Variants in SOX5 observed in about 807,000 individuals in gnomAD.
SOX5 encodes the protein transcription factor SOX-5.
A neutral mutation model predicts 92.0 loss-of-function variants in SOX5; 9 were observed. That is an observed-to-expected ratio of 0.10 (90% CI 0.06 to 0.17). The LOEUF (loss-of-function observed/expected upper bound fraction) is 0.17, where lower values mean the gene tolerates loss of function less well. Among genes scored for constraint, SOX5 ranks in the 10% least tolerant of loss-of-function variants. The pLI, the probability that SOX5 is intolerant of heterozygous loss-of-function variation, is 1.00. For synonymous variants in SOX5, 344 were observed against 336.3 expected (o/e 1.02, Z -0.25); for missense variants, 642 against 944.5 (o/e 0.68, Z 4.20).
At chr12:24,043,996 C>T (rs991885214) in intron 4 of SOX5, among the ~76,000 whole-genome samples, 1 of 152,152 alleles carries the variant, frequency 6.6e-6, no homozygotes, top group African/African-American at 2.4e-5. Context: ...ATGCTAAACA[C>T]ATACAGGAAG....
intron 3 of SOX5, among the ~76,000 whole-genome samples, chr12:23,776,910 T>A (rs1567673511): frequency 6.6e-6 from 1 of 152,224 alleles, no homozygotes; most frequent in African/African-American, 2.4e-5. Context: ...GGACCCCTGA[T>A]CTAAAGCAAT....
intron 1 of SOX5, among the ~76,000 whole-genome samples, chr12:24,395,047 G>A (rs1195110510): frequency 6.6e-6 from 1 of 152,034 alleles, no homozygotes; most frequent in Non-Finnish European, 1.5e-5. Flanking sequence ...TAGCCAGCCC[G>A]ATATTAATGA....
At chr12:23,661,795 G>A (rs572053063) in intron 7 of SOX5, among the ~76,000 whole-genome samples, 1 of 152,110 alleles carries the variant, frequency 6.6e-6, no homozygotes, top group Non-Finnish European at 1.5e-5. Context: ...CAATTCATTT[G>A]TATACCCAGT....
intron 14 of SOX5, among the ~76,000 whole-genome samples, chr12:23,534,795 C>A (rs1939924540): frequency 6.6e-6 from 1 of 151,460 alleles, no homozygotes; most frequent in Non-Finnish European, 1.5e-5. Flanking sequence ...CTGCAACCTC[C>A]CCCTCCAGGG....
intron 2 of SOX5, among the ~76,000 whole-genome samples, chr12:24,318,429 G>A (rs987712792): frequency 1.3e-4 from 20 of 152,190 alleles, no homozygotes; most frequent in East Asian, 5.8e-4. Context: ...GCTGAGAGAC[G>A]GTACATCTAT....
intron 7 of SOX5, among the ~76,000 whole-genome samples, chr12:23,657,000 T>G (rs1286935824): frequency 2.6e-5 from 4 of 152,112 alleles, no homozygotes; most frequent in Non-Finnish European, 4.4e-5. Context: ...GAGCTGACTA[T>G]AGAGACAGGT....
chr12:24,200,503 T>TTG (rs567368135), intron 4 of SOX5, among the ~76,000 whole-genome samples: 2 of 151,582 alleles, frequency 1.3e-5, no homozygotes, highest in South Asian at 2.1e-4. Flanking sequence ...TTTTTTTTTT[T>TTG]AATTTGATCT....
intron 8 of SOX5, among the ~76,000 whole-genome samples, chr12:23,632,824 T>C (rs2078722712): frequency 1.3e-5 from 2 of 152,188 alleles, no homozygotes; most frequent in Admixed American, 1.3e-4. Context: ...TCATTTTCTC[T>C]ATTCCAGAGA....
At chr12:23,901,343 T>A (rs1302525992) in intron 1 of SOX5, among the ~76,000 whole-genome samples, 3 of 152,182 alleles carry the variant, frequency 2.0e-5, no homozygotes, top group African/African-American at 7.2e-5. Context: ...TTTTAGGACT[T>A]CTGACCTCCA....
intron 1 of SOX5, among the ~76,000 whole-genome samples, chr12:24,461,023 T>C (rs55799788): frequency 9.8e-5 from 15 of 152,330 alleles, no homozygotes; most frequent in African/African-American, 3.6e-4. Context: ...GAATAACCAA[T>C]AGATTCTTGC....
chr12:24,304,088 A>C (rs1363594101), intron 2 of SOX5, among the ~76,000 whole-genome samples: 1 of 152,200 alleles, frequency 6.6e-6, no homozygotes, highest in Non-Finnish European at 1.5e-5. Context: ...TGAATATCTT[A>C]AGAAAGGCTT....
intron 3 of SOX5, among the ~76,000 whole-genome samples, chr12:24,239,424 G>T (rs1282447487): frequency 6.6e-6 from 1 of 152,150 alleles, no homozygotes; most frequent in African/African-American, 2.4e-5. Flanking sequence ...GTCTGAAACT[G>T]CATATTCCGA....
At chr12:23,771,176 C>CA (rs1485016700) in intron 3 of SOX5, among the ~76,000 whole-genome samples, 1 of 104,310 alleles carries the variant, frequency 9.6e-6, no homozygotes, top group African/African-American at 3.6e-5. Flanking sequence ...CATACTTTCC[C>CA]AAAAATGGAG....
chr12:23,809,693 T>C (rs2095843329), intron 3 of SOX5, among the ~76,000 whole-genome samples: 1 of 151,236 alleles, frequency 6.6e-6, no homozygotes, highest in Non-Finnish European at 1.5e-5. Context: ...CCTTTTTTAA[T>C]GTGTAAGGTT....
At chr12:24,542,224 C>A (rs1050880464) in intron 1 of SOX5, among the ~76,000 whole-genome samples, 2 of 152,126 alleles carry the variant, frequency 1.3e-5, no homozygotes, top group Non-Finnish European at 2.9e-5. Flanking sequence ...CTTAACAGTC[C>A]AAGCTTTAGC....
intron 4 of SOX5, among the ~76,000 whole-genome samples, chr12:24,119,710 A>T (rs949831483): frequency 2.0e-5 from 3 of 152,174 alleles, no homozygotes; most frequent in Non-Finnish European, 2.9e-5. Flanking sequence ...TAATTTACAC[A>T]GAAAAAAGGA....
intron 7 of SOX5, among the ~76,000 whole-genome samples, chr12:23,653,731 A>G (rs1035044206): frequency 1.3e-4 from 20 of 152,066 alleles, no homozygotes; most frequent in African/African-American, 4.8e-4. Flanking sequence ...CCACTCTTAT[A>G]AGGACTTTGC....
At chr12:24,045,280 T>C (rs917721091) in intron 4 of SOX5, among the ~76,000 whole-genome samples, 1 of 152,160 alleles carries the variant, frequency 6.6e-6, no homozygotes, top group Admixed American at 6.5e-5. Context: ...CCTCATAGGA[T>C]TGTTTCAAGG....
chr12:24,342,962 G>C (rs4963752), intron 2 of SOX5, among the ~76,000 whole-genome samples: 1 of 152,006 alleles, frequency 6.6e-6, no homozygotes, highest in Admixed American at 6.6e-5. Context: ...CAAGTATGTC[G>C]CTAAATACTT....
Sources: gnomAD v4.1 joint callset for allele counts (sites outside exome capture counted in the v4.1 genomes callset) on GRCh38, gnomAD v4.1.1 for gene constraint, MANE v1.5 for transcripts, NCBI Gene and HGNC (gene_info 2026-07-23, HGNC 2026-07-21) for gene names.